The following NLRP12 variants were observed in gnomAD, a reference collection of about 807,000 sequenced individuals.
The protein encoded by NLRP12 is NACHT, LRR and PYD domains-containing protein 12.
NLRP12 carries 108 observed loss-of-function variants against 91.2 expected under a neutral mutation model. That is an observed-to-expected ratio of 1.18 (90% CI 1.01 to 1.39). NLRP12 has a LOEUF of 1.39. Ranked by LOEUF, NLRP12 falls within the 40% of genes most tolerant of loss-of-function variation. The pLI, the probability that NLRP12 is intolerant of heterozygous loss-of-function variation, is 0.00. For synonymous variants in NLRP12, 613 were observed against 566.7 expected (o/e 1.08, Z -1.16); for missense variants, 1,530 against 1,352.7 (o/e 1.13, Z -2.06).
intron 7 of NLRP12, among the ~76,000 whole-genome samples, chr19:53,800,178 A>G (rs1042649290): frequency 3.3e-5 from 5 of 151,976 alleles, no homozygotes; most frequent in Non-Finnish European, 7.4e-5. Context: ...GGTGGCGGGC[A>G]CCTTTAGTCC....
intron 1 of NLRP12, among the ~76,000 whole-genome samples, chr19:53,821,540 C>A (rs1465755771): frequency 6.6e-6 from 1 of 152,020 alleles, no homozygotes; most frequent in African/African-American, 2.4e-5. Context: ...TGGTGGCGGG[C>A]ACCTGCAGTC....
chr19:53,800,785 T>C (rs2091855798), intron 7 of NLRP12, among the ~76,000 whole-genome samples: 1 of 152,084 alleles, frequency 6.6e-6, no homozygotes, highest in Admixed American at 6.6e-5. Context: ...TGTTTCTACA[T>C]GTTGGTCAGG....
In NLRP12 at chr19:53,810,901, C is replaced by G; in HGVS notation, c.758G>C (p.Arg253Thr). 1 of 1,614,140 alleles carries G rather than the reference C, an allele frequency of 6.2e-7. No individual in the cohort carries two copies. Among genetic ancestry groups the G allele is most frequent in the Non-Finnish European group, 8.5e-7 (1 of 1,180,028 alleles). ...TTCCGTGGCACTCTGGTTCATCTCC[C>G]TGCAGTTGATGTAGAAGAGATAATC... ...RFDYLFYINCREMNQSATECS... is the reference protein window; with the variant it reads ...RFDYLFYINCTEMNQSATECS... The change falls in exon 3 of 10, where the codon AGG becomes ACG. Residue 253 changes from arginine to threonine, a missense_variant. By Grantham distance (71) the Arg-to-Thr change is moderately conservative. Coordinates refer to ENST00000324134, the MANE Select transcript of NLRP12 (RefSeq NM_144687.4).
At chr19:53,809,524 A>AAAG in intron 3 of NLRP12, 63 bp downstream of exon 3, 1 of 1,121,138 alleles carries the variant, frequency 8.9e-7, no homozygotes, top group Non-Finnish European at 1.2e-6. Flanking sequence ...GAGCAAAAAA[A>AAAG]AAAAAAAAAA....
At chr19:53,799,565 C>T (rs977210908) in intron 7 of NLRP12, among the ~76,000 whole-genome samples, 14 of 151,724 alleles carry the variant, frequency 9.2e-5, no homozygotes, top group Non-Finnish European at 1.5e-4. Context: ...CTCACTGCAA[C>T]CTCCGGCTCC....
In NLRP12 at chr19:53,801,228, G is replaced by T; in HGVS notation, c.2755C>A (p.Arg919=). The T allele has an allele frequency of 6.2e-7, 1 of 1,613,682 alleles. No individual in the cohort carries two copies. The highest frequency in any genetic ancestry group is 8.5e-7 in the Non-Finnish European group (1 of 1,179,804). Residue 919 remains arginine (R), a splice_region_variant and synonymous_variant, in exon 7 of 10, where the codon CGG becomes AGG. Transcript: ENST00000324134. ...RHPTCKLQTL[R]LGICRLGSAA... is the part of the protein sequence containing the mutation. ...CGTGGTGAGCAAAACGGGACTCACC[G>T]CAGGGTCTGGAGCTTGCACGTGGGA...
At chr19:53,803,185 CTT>C (rs112504038) in intron 6 of NLRP12, among the ~76,000 whole-genome samples, 1 of 147,138 alleles carries the variant, frequency 6.8e-6, no homozygotes, top group African/African-American at 2.5e-5. Flanking sequence ...ATCTCTGGAA[CTT>C]TTTTTTTTTT....
intron 1 of NLRP12, among the ~76,000 whole-genome samples, chr19:53,818,601 G>C (rs972823656): frequency 1.3e-5 from 2 of 151,424 alleles, no homozygotes; most frequent in African/African-American, 4.9e-5. Flanking sequence ...GGAGGCGGAG[G>C]TTGCAGTGAG....
chr19:53,810,540 G>A lies in NLRP12; in HGVS notation c.1119C>T (p.Tyr373=), dbSNP rs2122671492. ...CTGCATTGTGGAAATACTTGTAGAA[G>A]TATTCCTTCCTTTCTGCCTCAGAGA... ...LGFSEAERKE[Y]FYKYFHNAEQ... The change falls in exon 3 of 10, where the codon TAC becomes TAT. Residue 373 remains tyrosine (Y), a synonymous_variant. Transcript: ENST00000324134. The A allele has an allele frequency of 6.2e-7, 1 of 1,614,132 alleles. No individual in the cohort carries two copies. Among genetic ancestry groups the A allele is most frequent in the Non-Finnish European group, 8.5e-7 (1 of 1,180,034 alleles).
chr19:53,804,145 A>C, intron 5 of NLRP12, 23 bp from the exon 6 acceptor site: 1 of 1,613,096 alleles, frequency 6.2e-7, no homozygotes, highest in Non-Finnish European at 8.5e-7. Context: ...GAGAGGTTGA[A>C]GGGGACGCCA....
At position 53,819,410 on chromosome 19, in the gene NLRP12, AATATATATATATATATATATATATAT is replaced by A. The variant is rs754512228; in HGVS notation, c.290-4448_290-4423del. On this transcript the variant is annotated intron_variant, in intron 1 of 9. Coordinates refer to ENST00000324134, the MANE Select transcript of NLRP12 (RefSeq NM_144687.4). ...CAGGCGTGTGCCACTACGCCTGGCT[AATATATATATATATATATATATATAT>A]ATATATATATATATATATATATGTG... Among the ~76,000 whole-genome samples, 57 of 23,674 alleles carry A rather than the reference AATATATATATATATATATATATATAT, an allele frequency of 2.4e-3. 5 individuals are homozygous for A. The highest frequency in any genetic ancestry group is 2.9e-3 in the South Asian group (2 of 678). 15.5% of individuals were successfully genotyped at this position (23,674 alleles called of 152,430 possible). A position where few individuals can be genotyped will look rare whatever the true frequency, so the allele number is the denominator to read the frequency against.
At chr19:53,796,065 G>C in intron 8 of NLRP12, 36 bp from the exon 9 acceptor site, 1 of 1,600,886 alleles carries the variant, frequency 6.2e-7, no homozygotes, top group African/African-American at 1.3e-5. Context: ...GGTAACACCA[G>C]GGGCTACTTA....
At chr19:53,823,469 A>ATTTTAAATATATAT (rs1314014988) in intron 1 of NLRP12, among the ~76,000 whole-genome samples, 4 of 106,634 alleles carry the variant, frequency 3.8e-5, no homozygotes, top group East Asian at 2.5e-4. Flanking sequence ...TTAAATATAT[A>ATTTTAAATATATAT]TTTAAAATAT....
intron 2 of NLRP12, among the ~76,000 whole-genome samples, chr19:53,811,901 G>C (rs1188420191): frequency 6.6e-6 from 1 of 152,062 alleles, no homozygotes; most frequent in African/African-American, 2.4e-5. Context: ...TTATAGAACG[G>C]GTACATTACC....
Position 53,810,617 on chromosome 19 carries a change from C to G in NLRP12, c.1042G>C (p.Glu348Gln). ...LLITTRPTAL[E>Q]KLHRLLEHPR... Reference sequence around the variant, plus strand: ...TGCTCCAGCAGACGGTGGAGCTTCTCCAAAGCCGTGGGCCGTGTGGTGATG... The same window carrying G: ...TGCTCCAGCAGACGGTGGAGCTTCTGCAAAGCCGTGGGCCGTGTGGTGATG... The change falls in exon 3 of 10, where the codon GAG becomes CAG. Residue 348 changes from glutamate (E) to glutamine (Q), a missense_variant. Physicochemically the swap from Glu to Gln is conservative, Grantham distance 29. Coordinates refer to ENST00000324134, the MANE Select transcript of NLRP12 (RefSeq NM_144687.4). The G allele has an allele frequency of 1.2e-6, 2 of 1,614,092 alleles. No homozygotes were observed. Among genetic ancestry groups the G allele is most frequent in the East Asian group, 2.2e-5 (1 of 44,892 alleles).
chr19:53,804,313 T>C (rs2091920510), intron 5 of NLRP12, among the ~76,000 whole-genome samples, 191 bp from the exon 6 acceptor site: 1 of 151,830 alleles, frequency 6.6e-6, no homozygotes, highest in South Asian at 2.1e-4. Flanking sequence ...TGCCTCAGCC[T>C]CCTGAGTAAC....
chr19:53,804,213 A>G, intron 5 of NLRP12, 91 bp from the exon 6 acceptor site: 1 of 1,438,370 alleles, frequency 7.0e-7, no homozygotes, highest in Non-Finnish European at 9.6e-7. Context: ...ATTATTTAGG[A>G]ACAGGTTGTT....
chr19:53,803,937 C>T lies in NLRP12; in HGVS notation c.2585+15G>A, dbSNP rs769527961. On this transcript the variant is annotated intron_variant, in intron 6 of 9. Transcript: ENST00000324134. ...ATTTGCCATTTTATTATAGTTGACC[C>T]CAGGAAGAACTCACCACAAAGTCCG... 6.2e-7 allele frequency: 1 copy of T among 1,612,790 alleles called. No homozygotes were observed. The highest frequency in any genetic ancestry group is 8.5e-7 in the Non-Finnish European group (1 of 1,178,884).
intron 4 of NLRP12, among the ~76,000 whole-genome samples, chr19:53,805,992 G>A (rs2091952701): frequency 6.6e-6 from 1 of 152,008 alleles, no homozygotes; most frequent in African/African-American, 2.4e-5. Context: ...TCAGCACTTT[G>A]GGAGGCCGAG....
Sources: gnomAD v4.1 joint callset for allele counts (sites outside exome capture counted in the v4.1 genomes callset) on GRCh38, gnomAD v4.1.1 for gene constraint, MANE v1.5 for transcripts, NCBI Gene and HGNC (gene_info 2026-07-23, HGNC 2026-07-21) for gene names.